The following MAP3K4 variants were observed in gnomAD, a reference collection of about 807,000 sequenced individuals.
The protein encoded by MAP3K4 is mitogen-activated protein kinase kinase kinase 4.
MAP3K4 carries 67 observed loss-of-function variants against 185.6 expected under a neutral mutation model. The ratio of observed to expected loss-of-function variants is 0.36; its 90% CI spans 0.30 to 0.44. MAP3K4 has a LOEUF of 0.44. Ranked by LOEUF, MAP3K4 falls within the 20% of genes least tolerant of loss-of-function variation. MAP3K4 has a pLI of 1.00. For missense variants in MAP3K4, 1,551 were observed against 1,995.1 expected (o/e 0.78, Z 4.24); for synonymous variants, 702 against 710.4 (o/e 0.99, Z 0.19).
chr6:161,109,861 C>A lies in MAP3K4; in HGVS notation c.4343C>A (p.Thr1448Asn). The A allele has an allele frequency of 1.9e-6, 3 of 1,614,154 alleles. No homozygotes were observed. The highest frequency in any genetic ancestry group is 2.5e-6 in the Non-Finnish European group (3 of 1,180,024). ...ATTAGGCTGTATTCAAAGCAGATCA[C>A]CATTGCGATCAACGTCCTCCATGAG... The part of the protein sequence containing the change: ...HVIRLYSKQI[T>N]IAINVLHEHG... Residue 1448 changes from threonine (T) to asparagine (N), a missense_variant, in exon 23 of 27, where the codon ACC (threonine) becomes AAC (asparagine). By Grantham distance (65) the Thr-to-Asn change is moderately conservative (BLOSUM62 0). Coordinates refer to ENST00000392142, the MANE Select transcript of MAP3K4 (RefSeq NM_005922.4). This position sits in a 1 kb window ranked among gnomAD's most constrained non-coding sequence, Gnocchi z 5.7.
In MAP3K4 at chr6:161,049,775, T is replaced by G; in HGVS notation, c.1503T>G (p.Asp501Glu). 1 of 1,614,178 alleles carries G rather than the reference T, an allele frequency of 6.2e-7. No homozygotes were observed. Among genetic ancestry groups the G allele is most frequent in the South Asian group, 1.1e-5 (1 of 91,084 alleles). Residue 501 changes from aspartate (D) to glutamate (E), a missense_variant, in exon 3 of 27, where the codon GAT becomes GAG. Coordinates refer to ENST00000392142, the MANE Select transcript of MAP3K4 (RefSeq NM_005922.4). This position sits in a 1 kb window ranked among gnomAD's most constrained non-coding sequence, Gnocchi z 8.4. ...SKKLERLESE[D>E]DSLGWGAPDW... ...AGCTTGAGAGGCTCGAATCTGAGGA[T>G]GATTCTCTTGGCTGGGGAGCACCAG...
In MAP3K4 at chr6:161,034,159, G is replaced by A; in HGVS notation, c.153-100G>A. 1 of 954,784 alleles carries A rather than the reference G, an allele frequency of 1.0e-6. No individual in the cohort carries two copies. Among genetic ancestry groups the A allele is most frequent in the Non-Finnish European group, 1.5e-6 (1 of 655,436 alleles). The allele number at this position is 954,784 out of a possible 1,614,324, so 59.1% of individuals were successfully genotyped here. A position where few individuals can be genotyped will look rare whatever the true frequency, so the allele number is the denominator to read the frequency against. ...AGCACAGTGCTGAAGAGATTTTTCT[G>A]TACAAAAGTTTTACAAAGAATTATT... On this transcript the variant is annotated intron_variant, in intron 1 of 26. Transcript: ENST00000392142. This position sits in a 1 kb window ranked among gnomAD's most constrained non-coding sequence, Gnocchi z 4.4.
chr6:161,060,618 CTT>C (rs35196179), intron 3 of MAP3K4, among the ~76,000 whole-genome samples: 22,385 of 126,026 alleles, frequency 0.18, 2,062 homozygotes, highest in African/African-American at 0.3. Context: ...TTTTCTTTTT[CTT>C]TTTTTTTTTT....
intron 1 of MAP3K4, among the ~76,000 whole-genome samples, chr6:161,024,274 A>T (rs914156772): frequency 1.3e-5 from 2 of 152,106 alleles, no homozygotes; most frequent in Non-Finnish European, 2.9e-5. Flanking sequence ...CAGCCCCTAG[A>T]GTAGTTTTAG....
chr6:161,091,611 A>G lies in MAP3K4; in HGVS notation c.3135+71A>G. On this transcript the variant is annotated intron_variant, in intron 12 of 26. Transcript: ENST00000392142. This position sits in a 1 kb window ranked among gnomAD's most constrained non-coding sequence, Gnocchi z 5.5. ...TGATAACTTACAGAAAGTTTTTGGA[A>G]CCTTTTACAGTAAATCTGATATTGT... 7.4e-7 allele frequency: 1 copy of G among 1,343,770 alleles called. No individual in the cohort carries two copies. The highest frequency in any genetic ancestry group is 1.0e-6 in the Non-Finnish European group (1 of 961,378). 83.2% of individuals were successfully genotyped at this position (1,343,770 alleles called of 1,614,324 possible). A position where few individuals can be genotyped will look rare whatever the true frequency, so the allele number is the denominator to read the frequency against.
rs1331014363 is a variant in MAP3K4 at position 161,067,220 on chromosome 6, A to G, written c.1708-3388A>G. The G allele has an allele frequency of 1.2e-5, 5 of 420,150 alleles. No homozygotes were observed. Among genetic ancestry groups the G allele is most frequent in the African/African-American group, 4.1e-5 (2 of 48,688 alleles). 26.0% of individuals were successfully genotyped at this position (420,150 alleles called of 1,614,324 possible). On this transcript the variant is annotated intron_variant, in intron 3 of 26. Coordinates refer to ENST00000392142, the MANE Select transcript of MAP3K4 (RefSeq NM_005922.4). The surrounding 1 kb of genome is among the most constrained non-coding windows in gnomAD (Gnocchi z 6.3). ...TTAGGGAGACATGAGACATCAATCA[A>G]TATATGTAAGATGTACATTGGTTCC...
intron 6 of MAP3K4, 128 bp downstream of exon 6, chr6:161,081,166 T>C (rs888407604): frequency 2.0e-6 from 2 of 1,007,756 alleles, no homozygotes; most frequent in African/African-American, 1.7e-5. Context: ...ATATCTCATA[T>C]GTGCACCCTC....
Position 161,049,802 on chromosome 6 carries a change from C to G in MAP3K4, c.1530C>G (p.Asp510Glu). 6.2e-7 allele frequency: 1 copy of G among 1,614,146 alleles called. No homozygotes were observed. The highest frequency in any genetic ancestry group is 1.1e-5 in the South Asian group (1 of 91,086). Reference sequence around the variant, plus strand: ...ATTCTCTTGGCTGGGGAGCACCAGACTGGAGCACAGAAGCAGGCTTTAGTA... The same window carrying G: ...ATTCTCTTGGCTGGGGAGCACCAGAGTGGAGCACAGAAGCAGGCTTTAGTA... ...EDDSLGWGAP[D>E]WSTEAGFSRH... Residue 510 changes from aspartate (D) to glutamate (E), a missense_variant, in exon 3 of 27, where the codon GAC becomes GAG. Asp to Glu is a conservative substitution (Grantham distance 45). Coordinates refer to ENST00000392142, the MANE Select transcript of MAP3K4 (RefSeq NM_005922.4). This position sits in a 1 kb window ranked among gnomAD's most constrained non-coding sequence, Gnocchi z 8.4.
chr6:161,075,916 G>A lies in MAP3K4; in HGVS notation c.2097+2304G>A, dbSNP rs777026541. ...AAGGTGTGTTCTGAGGACTAGGGGA[G>A]CCCAAACAAAATCAGTGTTTCTATT... On this transcript the variant is annotated intron_variant, in intron 5 of 26. Coordinates refer to ENST00000392142, the MANE Select transcript of MAP3K4 (RefSeq NM_005922.4). This position sits in a 1 kb window ranked among gnomAD's most constrained non-coding sequence, Gnocchi z 4.3. Among the ~76,000 whole-genome samples, 3 of 152,108 alleles carry A rather than the reference G, an allele frequency of 2.0e-5. No homozygotes were observed. Among genetic ancestry groups the A allele is most frequent in the Non-Finnish European group, 4.4e-5 (3 of 68,020 alleles).
Position 161,097,825 on chromosome 6 carries a change from C to T in MAP3K4, c.3525-453C>T, listed in dbSNP as rs995480192. Among the ~76,000 whole-genome samples the T allele has an allele frequency of 1.5e-4, 23 of 151,754 alleles. No homozygotes were observed. Among genetic ancestry groups the T allele is most frequent in the Admixed American group, 2.6e-4 (4 of 15,244 alleles). ...GAGGGGACCGGGGTGCGGTGACTCA[C>T]GCCTGTAATTCCAGCACTTTAGGAG... is the stretch of plus-strand genomic sequence containing the variant. On this transcript the variant is annotated intron_variant, in intron 16 of 26. Transcript: ENST00000392142. The surrounding 1 kb of genome is among the most constrained non-coding windows in gnomAD (Gnocchi z 4.9).
chr6:161,001,912 G>C (rs933531511), intron 1 of MAP3K4, among the ~76,000 whole-genome samples: 1 of 152,038 alleles, frequency 6.6e-6, no homozygotes, highest in Non-Finnish European at 1.5e-5. Flanking sequence ...GGTAAAAGAG[G>C]CAAATCCTAT....
chr6:161,059,237 G>T (rs1378173456), intron 3 of MAP3K4, among the ~76,000 whole-genome samples: 1 of 151,978 alleles, frequency 6.6e-6, no homozygotes, highest in Admixed American at 6.6e-5. Context: ...CCAAGTTCCA[G>T]CGATTCTCAT....
rs1474849545 is a variant in MAP3K4, at chr6:161,082,273, A to T, written c.2255+1235A>T. ...AACATGTCTCCCCCCTTACTTTTCC[A>T]TGATTCTGCTTTGCCTAATTCCTTC... On this transcript the variant is annotated intron_variant, in intron 6 of 26. Coordinates refer to ENST00000392142, the MANE Select transcript of MAP3K4 (RefSeq NM_005922.4). This position sits in a 1 kb window ranked among gnomAD's most constrained non-coding sequence, Gnocchi z 4.2. Among the ~76,000 whole-genome samples the T allele has an allele frequency of 1.3e-5, 2 of 151,606 alleles. No homozygotes were observed. Among genetic ancestry groups the T allele is most frequent in the Non-Finnish European group, 2.9e-5 (2 of 67,912 alleles).
Position 161,096,353 on chromosome 6 carries a change from AAAAC to A in MAP3K4, c.3428-725_3428-722del, listed in dbSNP as rs1159986548. Reference sequence around the variant, plus strand: ...CATTAAAAAAATACTAAGGAGGGTTAAAACAGAGTGGTAAAAGTGAAGAAGAGAA... The same window carrying A: ...CATTAAAAAAATACTAAGGAGGGTTAAGAGTGGTAAAAGTGAAGAAGAGAA... On this transcript the variant is annotated intron_variant, in intron 15 of 26. Coordinates refer to ENST00000392142, the MANE Select transcript of MAP3K4 (RefSeq NM_005922.4). This position sits in a 1 kb window ranked among gnomAD's most constrained non-coding sequence, Gnocchi z 4.9. Among the ~76,000 whole-genome samples, 1 of 152,218 alleles carries A rather than the reference AAAAC, an allele frequency of 6.6e-6. No individual in the cohort carries two copies. The highest frequency in any genetic ancestry group is 1.5e-5 in the Non-Finnish European group (1 of 68,036).
chr6:160,995,611 C>T (rs943065603), intron 1 of MAP3K4, among the ~76,000 whole-genome samples: 1 of 152,178 alleles, frequency 6.6e-6, no homozygotes, highest in African/African-American at 2.4e-5. Flanking sequence ...GTTGTGGATA[C>T]TTTTGTCCTT....
At chr6:161,081,599 AGT>A (rs1785462704) in intron 6 of MAP3K4, among the ~76,000 whole-genome samples, 1 of 152,196 alleles carries the variant, frequency 6.6e-6, no homozygotes, top group African/African-American at 2.4e-5. Flanking sequence ...AAGGAATAGA[AGT>A]GTAAACAAGG....
chr6:161,050,701 T>C (rs780701620), intron 3 of MAP3K4, among the ~76,000 whole-genome samples: 42 of 152,228 alleles, frequency 2.8e-4, no homozygotes, highest in Admixed American at 1.1e-3. Flanking sequence ...GTGGTAATAC[T>C]AGACAAGGGC....
In MAP3K4 at chr6:161,061,401, A is replaced by G. The variant is rs1204993697; in HGVS notation, c.1708-9207A>G. Among the ~76,000 whole-genome samples, 3 of 152,244 alleles carry G rather than the reference A, an allele frequency of 2.0e-5. No homozygotes were observed. Among genetic ancestry groups the G allele is most frequent in the Non-Finnish European group, 2.9e-5 (2 of 68,046 alleles). On this transcript the variant is annotated intron_variant, in intron 3 of 26. Coordinates refer to ENST00000392142, the MANE Select transcript of MAP3K4 (RefSeq NM_005922.4). The surrounding 1 kb of genome is among the most constrained non-coding windows in gnomAD (Gnocchi z 4.2). ...TTCTCGTGGCTCTGCCACTGACTAG[A>G]TATACAGTTAGATTCTTTTTTCTAC...
At chr6:161,057,468 A>G (rs1169681768) in intron 3 of MAP3K4, among the ~76,000 whole-genome samples, 1 of 152,242 alleles carries the variant, frequency 6.6e-6, no homozygotes, top group Non-Finnish European at 1.5e-5. Flanking sequence ...ACTTTATCCT[A>G]CATGGTTTCG....
Sources: allele counts gnomAD v4.1 joint callset (sites outside exome capture counted in the v4.1 genomes callset), GRCh38; gene constraint gnomAD v4.1.1; non-coding constraint Gnocchi (gnomAD v3.1); transcripts MANE v1.5; gene names NCBI Gene and HGNC (gene_info 2026-07-23, HGNC 2026-07-21).